PLSCR4: variants seen among roughly 807,000 people sequenced by gnomAD.
PLSCR4 encodes the protein phospholipid scramblase 4, also known as Ca(2+)-dependent phospholipid scramblase 4.
Under a neutral mutation model 36.3 loss-of-function variants are expected in PLSCR4, and 25 were observed. The observed-to-expected ratio is 0.69, with a 90% CI of 0.50 to 0.96. PLSCR4 has a LOEUF of 0.96. Among genes scored for constraint, PLSCR4 ranks in the 40% least tolerant of loss-of-function variants. The pLI is 0.00. For missense variants in PLSCR4, 408 were observed against 414.7 expected (o/e 0.98, Z 0.14); for synonymous variants, 122 against 132.9 (o/e 0.92, Z 0.56).
intron 1 of PLSCR4, among the ~76,000 whole-genome samples, chr3:146,234,492 T>G (rs753005655): frequency 1.3e-5 from 2 of 152,184 alleles, no homozygotes; most frequent in Non-Finnish European, 2.9e-5. Flanking sequence ...GAAAGAAATC[T>G]ACCTCTTGAC....
chr3:146,244,176 C>G (rs1375776261), intron 1 of PLSCR4, among the ~76,000 whole-genome samples: 1 of 152,162 alleles, frequency 6.6e-6, no homozygotes, highest in East Asian at 1.9e-4. Flanking sequence ...GATTGAGATA[C>G]TGATACCTTT....
chr3:146,238,643 C>G (rs2036018259), intron 1 of PLSCR4, among the ~76,000 whole-genome samples: 1 of 152,026 alleles, frequency 6.6e-6, no homozygotes, highest in African/African-American at 2.4e-5. Context: ...ATAGAACTTT[C>G]TTGATCTCGT....
chr3:146,205,894 T>G (rs962657461), intron 4 of PLSCR4, among the ~76,000 whole-genome samples: 2 of 152,048 alleles, frequency 1.3e-5, no homozygotes, highest in Non-Finnish European at 2.9e-5. Context: ...TAAACAAAAC[T>G]ATTTGTGCAC....
At chr3:146,235,175 G>C (rs527733135) in intron 1 of PLSCR4, among the ~76,000 whole-genome samples, 2 of 152,298 alleles carry the variant, frequency 1.3e-5, no homozygotes, top group South Asian at 4.1e-4. Flanking sequence ...TCAGCTCTGT[G>C]TCCCCACCCA....
At chr3:146,218,145 T>TAACTA (rs1297692990) in intron 3 of PLSCR4, among the ~76,000 whole-genome samples, 2 of 152,166 alleles carry the variant, frequency 1.3e-5, no homozygotes. Context: ...AAAAAAAGTA[T>TAACTA]AACGTATTTG....
chr3:146,216,568 C>T (rs935037757), intron 3 of PLSCR4, among the ~76,000 whole-genome samples: 1 of 152,082 alleles, frequency 6.6e-6, no homozygotes, highest in Admixed American at 6.6e-5. Flanking sequence ...CTATTATTAT[C>T]CTTAATTTAT....
intron 1 of PLSCR4, among the ~76,000 whole-genome samples, chr3:146,228,563 A>G (rs910242020): frequency 6.6e-6 from 1 of 152,178 alleles, no homozygotes; most frequent in Non-Finnish European, 1.5e-5. Flanking sequence ...TTAAGAGGCT[A>G]AAAAATTTGC....
At chr3:146,227,728 C>G (rs528769463) in intron 1 of PLSCR4, among the ~76,000 whole-genome samples, 3 of 152,286 alleles carry the variant, frequency 2.0e-5, no homozygotes, top group Admixed American at 6.5e-5. Context: ...CATTCTAAAA[C>G]TCTGGGTCCT....
intron 4 of PLSCR4, among the ~76,000 whole-genome samples, chr3:146,202,389 A>G (rs1348746567): frequency 1.3e-5 from 2 of 152,118 alleles, no homozygotes; most frequent in Admixed American, 1.3e-4. Flanking sequence ...TGTTTACACT[A>G]TAATGTAGTC....
intron 1 of PLSCR4, among the ~76,000 whole-genome samples, chr3:146,225,744 C>T (rs745836726): frequency 6.6e-6 from 1 of 152,188 alleles, no homozygotes; most frequent in Non-Finnish European, 1.5e-5. Flanking sequence ...CCCGCCAAGC[C>T]GACGCCCACC....
chr3:146,219,768 GAAC>G (rs1191055981), intron 3 of PLSCR4, among the ~76,000 whole-genome samples: 1 of 151,850 alleles, frequency 6.6e-6, no homozygotes, highest in Non-Finnish European at 1.5e-5. Flanking sequence ...AAAAAACAAA[GAAC>G]AAAAAATAAA....
intron 1 of PLSCR4, among the ~76,000 whole-genome samples, chr3:146,229,962 G>A (rs921805577): frequency 6.6e-6 from 1 of 152,092 alleles, no homozygotes; most frequent in Non-Finnish European, 1.5e-5. Context: ...ATTGTAAGTA[G>A]AGCACTTTCT....
chr3:146,250,486 A>C (rs2036502945), intron 1 of PLSCR4: 1 of 152,196 alleles, frequency 6.6e-6, no homozygotes, highest in African/African-American at 2.4e-5. Context: ...GAAATAAGAG[A>C]GAGGGATTCT....
At chr3:146,220,975 T>C in intron 2 of PLSCR4, 50 bp from the exon 3 acceptor site, 1 of 1,081,750 alleles carries the variant, frequency 9.2e-7, no homozygotes, top group Non-Finnish European at 1.4e-6. Flanking sequence ...AATAATATAA[T>C]GACAAAATGT....
intron 1 of PLSCR4, among the ~76,000 whole-genome samples, chr3:146,237,164 G>A (rs917590150): frequency 5.9e-5 from 9 of 152,192 alleles, no homozygotes; most frequent in African/African-American, 2.2e-4. Context: ...CCAAAGAAGA[G>A]CTGCAGTGGC....
intron 1 of PLSCR4, among the ~76,000 whole-genome samples, chr3:146,241,713 C>T (rs538009084): frequency 6.6e-6 from 1 of 152,240 alleles, no homozygotes; most frequent in South Asian, 2.1e-4. Flanking sequence ...ATTAGAATAA[C>T]CATTATTTTC....
chr3:146,202,708 C>A (rs1342452681), intron 4 of PLSCR4, among the ~76,000 whole-genome samples: 6 of 152,008 alleles, frequency 3.9e-5, no homozygotes, highest in East Asian at 1.9e-4. Context: ...CACAGTAGAA[C>A]TTCCTTCAAA....
At chr3:146,202,464 C>T (rs558250809) in intron 4 of PLSCR4, among the ~76,000 whole-genome samples, 1 of 152,030 alleles carries the variant, frequency 6.6e-6, no homozygotes, top group East Asian at 1.9e-4. Context: ...AACTTTATTG[C>T]TAAAAACTGC....
chr3:146,227,298 T>C (rs964850675), intron 1 of PLSCR4, among the ~76,000 whole-genome samples: 13 of 152,206 alleles, frequency 8.5e-5, no homozygotes, highest in Middle Eastern at 3.4e-3. Context: ...TACAGGGGAA[T>C]CTGGGCTGCC....
Sources: gnomAD v4.1 joint callset for allele counts (sites outside exome capture counted in the v4.1 genomes callset) on GRCh38, gnomAD v4.1.1 for gene constraint, MANE v1.5 for transcripts, NCBI Gene and HGNC (gene_info 2026-07-23, HGNC 2026-07-21) for gene names.